Variants in CTSK observed in about 807,000 individuals in gnomAD.
The protein encoded by CTSK is cathepsin K.
In CTSK, 26 loss-of-function variants were observed where a neutral mutation model predicts 40.5. That is an observed-to-expected ratio of 0.64 (90% CI 0.47 to 0.89). CTSK has a LOEUF of 0.89. CTSK is among the 40% of genes least tolerant of loss of function. CTSK has a pLI of 0.00. For synonymous variants in CTSK, 132 were observed against 143.2 expected (o/e 0.92, Z 0.56); for missense variants, 292 against 400.1 (o/e 0.73, Z 2.30).
intron 5 of CTSK, 102 bp from the exon 6 acceptor site, chr1:150,799,811 C>G: frequency 9.3e-7 from 1 of 1,079,910 alleles, no homozygotes. Context: ...AGTGAACTAA[C>G]AGAGGCAGCA....
At chr1:150,799,391 G>T in intron 6 of CTSK, 118 bp from the exon 7 acceptor site, 2 of 1,202,938 alleles carry the variant, frequency 1.7e-6, no homozygotes, top group Non-Finnish European at 2.5e-6. Context: ...TTACCACAGA[G>T]ATGCTGCTCC....
intron 6 of CTSK, 99 bp downstream of exon 6, chr1:150,799,445 A>C: frequency 6.9e-7 from 1 of 1,453,242 alleles, no homozygotes; most frequent in Non-Finnish European, 9.7e-7. Flanking sequence ...CCTCCATGTG[A>C]ATACAAAAAC....
Position 150,796,568 on chromosome 1 carries a change from A to G in CTSK, c.*231T>C. ...TAGTCACATCTCTTAGCCTAAGAGT[A>G]CACAGCTGTCAGGGAAAGTCCTGAT... is the stretch of plus-strand genomic sequence containing the variant. On this transcript the variant is annotated 3_prime_UTR_variant, in exon 8 of 8. Transcript: ENST00000271651. 2 of 621,338 alleles carry G rather than the reference A, an allele frequency of 3.2e-6. No homozygotes were observed. The highest frequency in any genetic ancestry group is 5.8e-6 in the Non-Finnish European group (2 of 345,284). The allele number at this position is 621,338 out of a possible 1,614,324, so 38.5% of individuals were successfully genotyped here. A position where few individuals can be genotyped will look rare whatever the true frequency, so the allele number is the denominator to read the frequency against.
chr1:150,799,149 G>A lies in CTSK; in HGVS notation c.890+19C>T, dbSNP rs773186411. 3 of 1,479,630 alleles carry A rather than the reference G, an allele frequency of 2.0e-6. No individual in the cohort carries two copies. Among genetic ancestry groups the A allele is most frequent in the Admixed American group, 3.3e-5 (2 of 59,874 alleles). 91.7% of individuals were successfully genotyped at this position (1,479,630 alleles called of 1,614,324 possible). A position where few individuals can be genotyped will look rare whatever the true frequency, so the allele number is the denominator to read the frequency against. ...TTAAAAGGGTGACTGAATAACAAAA[G>A]TAGTGTTCCCATCATTACCTGTTTT... On this transcript the variant is annotated intron_variant, in intron 7 of 7. Coordinates refer to ENST00000271651, the MANE Select transcript of CTSK (RefSeq NM_000396.4).
chr1:150,806,887 G>T, intron 1 of CTSK, 81 bp from the exon 2 acceptor site: 1 of 1,541,536 alleles, frequency 6.5e-7, no homozygotes. Flanking sequence ...GGAAGAGAAA[G>T]GTAGACGGAA....
chr1:150,804,057 A>G lies in CTSK; in HGVS notation c.582T>C (p.Gly194=). The G allele has an allele frequency of 6.2e-7, 1 of 1,613,970 alleles. No homozygotes were observed. Among genetic ancestry groups the G allele is most frequent in the Middle Eastern group, 1.7e-4 (1 of 6,056 alleles). The change falls in exon 5 of 8, where the codon GGT becomes GGC. Residue 194 remains glycine (G), a synonymous_variant. Transcript: ENST00000271651. ...NAFQYVQKNR[G]IDSEDAYPYV... ...ATGGGTAGGCATCTTCAGAGTCAAT[A>G]CCCCGGTTCTTCTGCACATATTGGA... is the stretch of plus-strand genomic sequence containing the variant.
At chr1:150,799,916 G>A (rs1005675394) in intron 5 of CTSK, among the ~76,000 whole-genome samples, 2 of 152,102 alleles carry the variant, frequency 1.3e-5, no homozygotes, top group Admixed American at 6.6e-5. Flanking sequence ...CCAACTACAG[G>A]CCAGGTGCGG....
At chr1:150,799,891 C>T (rs1653952874) in intron 5 of CTSK, among the ~76,000 whole-genome samples, 182 bp from the exon 6 acceptor site, 3 of 152,088 alleles carry the variant, frequency 2.0e-5, no homozygotes, top group Admixed American at 6.6e-5. Flanking sequence ...TCCCGCCTTC[C>T]ACCACACATA....
chr1:150,807,101 C>CGT, intron 1 of CTSK: 1 of 442,714 alleles, frequency 2.3e-6, no homozygotes, highest in Admixed American at 3.0e-5. Flanking sequence ...CACACACACA[C>CGT]ACACACACAC....
Position 150,796,805 on chromosome 1 carries a change from C to G in CTSK, c.984G>C (p.Lys328Asn), listed in dbSNP as rs752348151. The change falls in exon 8 of 8, where the codon AAG (lysine) becomes AAC (asparagine). Residue 328 changes from lysine to asparagine, a missense_variant. By Grantham distance (94) the Lys-to-Asn change is moderately conservative (BLOSUM62 0). Coordinates refer to ENST00000271651, the MANE Select transcript of CTSK (RefSeq NM_000396.4). ...CGIANLASFP[K>N]M is the part of the protein sequence containing the mutation. ...TGGATTTGGCTGGCTGGAGTCACAT[C>G]TTGGGGAAGCTGGCCAGGTTGGCAA... The G allele has an allele frequency of 1.9e-6, 3 of 1,612,268 alleles. No individual in the cohort carries two copies. The highest frequency in any genetic ancestry group is 2.7e-5 in the African/African-American group (2 of 75,012).
At chr1:150,807,005 T>TCTC (rs146635750) in intron 1 of CTSK, among the ~76,000 whole-genome samples, 199 bp from the exon 2 acceptor site, 2 of 138,966 alleles carry the variant, frequency 1.4e-5, no homozygotes, top group Non-Finnish European at 3.1e-5. Context: ...ATTTCTCTCT[T>TCTC]TCTCTCTCTC....
At position 150,796,577 on chromosome 1, in the gene CTSK, T is replaced by G. The variant is rs1475879575; in HGVS notation, c.*222A>C. On this transcript the variant is annotated 3_prime_UTR_variant, in exon 8 of 8. Transcript: ENST00000271651. ...CTCTTAGCCTAAGAGTACACAGCTG[T>G]CAGGGAAAGTCCTGATGGCCACAGT... The G allele has an allele frequency of 1.6e-6, 1 of 628,378 alleles. No individual in the cohort carries two copies. The highest frequency in any genetic ancestry group is 2.8e-5 in the East Asian group (1 of 36,098). 38.9% of individuals were successfully genotyped at this position (628,378 alleles called of 1,614,324 possible). A position where few individuals can be genotyped will look rare whatever the true frequency, so the allele number is the denominator to read the frequency against.
intron 1 of CTSK, chr1:150,807,398 G>T: frequency 2.1e-6 from 1 of 471,014 alleles, no homozygotes; most frequent in Non-Finnish European, 4.4e-6. Context: ...CTGAGACATT[G>T]TATATCTCCT....
intron 5 of CTSK, 146 bp from the exon 6 acceptor site, chr1:150,799,855 C>A: frequency 1.2e-6 from 1 of 819,230 alleles, no homozygotes; most frequent in Non-Finnish European, 2.1e-6. Context: ...TGTTCTTCCT[C>A]AGAAAAACGA....
In CTSK at chr1:150,805,891, C is replaced by A; in HGVS notation, c.369G>T (p.Lys123Asn). 1 of 1,614,118 alleles carries A rather than the reference C, an allele frequency of 6.2e-7. No homozygotes were observed. The highest frequency in any genetic ancestry group is 8.5e-7 in the Non-Finnish European group (1 of 1,180,036). Residue 123 changes from lysine to asparagine, a missense_variant, in exon 4 of 8, where the codon AAG (lysine) becomes AAT (asparagine). By Grantham distance (94) the Lys-to-Asn change is moderately conservative (BLOSUM62 0). Transcript: ENST00000271651. ...TTTTGACAGGAGTAACATATCCTTT[C>A]TTTCGATAGTCGACAGAGTCTGGGG... ...GRAPDSVDYR[K>N]KGYVTPVKNQ...
Position 150,806,184 on chromosome 1 carries a change from A to G in CTSK, c.161T>C (p.Leu54Pro). Residue 54 changes from leucine to proline, a missense_variant, in exon 3 of 8, where the codon CTG becomes CCG. Leu to Pro is a moderately conservative substitution (Grantham distance 98). Transcript: ENST00000271651. ...AAGGTTATGGATGGAAATATACTTCAGGTTTTTTTCCCAAATTAAACGCCG... is the reference window on the plus strand; with the variant it reads ...AAGGTTATGGATGGAAATATACTTCGGGTTTTTTTCCCAAATTAAACGCCG... ...ISRRLIWEKN[L>P]KYISIHNLEA... 2 of 1,614,160 alleles carry G rather than the reference A, an allele frequency of 1.2e-6. No individual in the cohort carries two copies. Among genetic ancestry groups the G allele is most frequent in the Non-Finnish European group, 1.7e-6 (2 of 1,180,020 alleles).
chr1:150,796,548 A>C lies in CTSK; in HGVS notation c.*251T>G, dbSNP rs1161012615. 1.7e-6 allele frequency: 1 copy of C among 590,024 alleles called. No homozygotes were observed. The highest frequency in any genetic ancestry group is 3.0e-6 in the Non-Finnish European group (1 of 329,642). 36.5% of individuals were successfully genotyped at this position (590,024 alleles called of 1,614,324 possible). A position where few individuals can be genotyped will look rare whatever the true frequency, so the allele number is the denominator to read the frequency against. On this transcript the variant is annotated 3_prime_UTR_variant, in exon 8 of 8. Transcript: ENST00000271651. ...ACACAGTCAGGGGCAGGCTGTAGTC[A>C]CATCTCTTAGCCTAAGAGTACACAG...
intron 3 of CTSK, 28 bp downstream of exon 3, chr1:150,806,074 G>A: frequency 6.2e-7 from 1 of 1,614,188 alleles, no homozygotes; most frequent in Non-Finnish European, 8.5e-7. Context: ...AATGGTGCAG[G>A]TGGGACAGGA....
intron 5 of CTSK, among the ~76,000 whole-genome samples, chr1:150,802,830 G>A (rs1571125633): frequency 1.3e-5 from 2 of 152,190 alleles, no homozygotes; most frequent in Middle Eastern, 6.8e-3. Flanking sequence ...CCCAGGAAGT[G>A]GAGGCTGCAG....
Sources: allele counts gnomAD v4.1 joint callset (sites outside exome capture counted in the v4.1 genomes callset), GRCh38; gene constraint gnomAD v4.1.1; transcripts MANE v1.5; gene names NCBI Gene and HGNC (gene_info 2026-07-23, HGNC 2026-07-21).